The following GPC6 variants were observed in gnomAD, a reference collection of about 807,000 sequenced individuals.
GPC6 encodes glypican 6.
GPC6 carries 14 observed loss-of-function variants against 55.2 expected under a neutral mutation model. The ratio of observed to expected loss-of-function variants is 0.25; its 90% CI spans 0.17 to 0.40. The LOEUF (loss-of-function observed/expected upper bound fraction) is 0.40, where lower values mean the gene tolerates loss of function less well. Ranked by LOEUF, GPC6 falls within the 10% of genes least tolerant of loss-of-function variation. GPC6 has a pLI of 1.00. For synonymous variants in GPC6, 278 were observed against 259.6 expected (o/e 1.07, Z -0.68); for missense variants, 641 against 708.5 (o/e 0.90, Z 1.08).
chr13:94,145,467 G>T (rs61962341), intron 4 of GPC6, among the ~76,000 whole-genome samples: 26,694 of 151,894 alleles, frequency 0.18, 2,739 homozygotes, highest in Non-Finnish European at 0.23. Context: ...TCAATATATT[G>T]ATATTTGTTT....
chr13:94,226,555 TA>T (rs2139007801), intron 4 of GPC6, among the ~76,000 whole-genome samples: 1 of 152,250 alleles, frequency 6.6e-6, no homozygotes, highest in East Asian at 1.9e-4. Flanking sequence ...TACAATTTTT[TA>T]AAAAAGGTAC....
At chr13:93,923,473 A>G (rs1877681249) in intron 3 of GPC6, among the ~76,000 whole-genome samples, 1 of 101,450 alleles carries the variant, frequency 9.9e-6, no homozygotes, top group South Asian at 4.1e-4. Context: ...TCATTCAGTT[A>G]CAGAAAAATA....
intron 3 of GPC6, among the ~76,000 whole-genome samples, chr13:93,942,654 C>A (rs12859208): frequency 0.44 from 67,361 of 151,908 alleles, 15,416 homozygotes; most frequent in Non-Finnish European, 0.48. Flanking sequence ...ATGAAAGTGG[C>A]ATTTCATCAC....
Position 93,563,691 on chromosome 13 carries a change from C to T in GPC6, c.319+18270C>T, listed in dbSNP as rs7338382. Among the ~76,000 whole-genome samples, 181 of 151,688 alleles carry T rather than the reference C, an allele frequency of 1.2e-3. 1 individual carries two copies. The highest frequency in any genetic ancestry group is 4.2e-3 in the African/African-American group (173 of 41,350). On this transcript the variant is annotated intron_variant, in intron 2 of 8. Transcript: ENST00000377047. ...TGAAAGTAGAAATTCTTGAGTCATT[C>T]CTTGGTAATGTCAAGAAAAACGTCT...
At chr13:93,580,946 G>GT (rs1212947171) in intron 2 of GPC6, among the ~76,000 whole-genome samples, 3 of 151,624 alleles carry the variant, frequency 2.0e-5, no homozygotes, top group South Asian at 4.2e-4. Flanking sequence ...ATATAAAAGT[G>GT]TTTTTTTTAA....
At chr13:93,601,777 T>C (rs900493747) in intron 2 of GPC6, among the ~76,000 whole-genome samples, 2 of 152,208 alleles carry the variant, frequency 1.3e-5, no homozygotes, top group African/African-American at 4.8e-5. Context: ...TCTGGCTTCT[T>C]CTCCTTTTGA....
At chr13:94,387,321 A>G (rs1291246724) in intron 7 of GPC6, among the ~76,000 whole-genome samples, 1 of 152,170 alleles carries the variant, frequency 6.6e-6, no homozygotes, top group Non-Finnish European at 1.5e-5. Context: ...TGATGGGAGG[A>G]AATTGCAAGT....
intron 1 of GPC6, among the ~76,000 whole-genome samples, chr13:93,377,905 A>G (rs1170902069): frequency 6.6e-6 from 1 of 152,234 alleles, no homozygotes; most frequent in Admixed American, 6.5e-5. Flanking sequence ...TTGAAAAGTT[A>G]ATCATACAAA....
At chr13:93,612,534 C>CAT (rs1878524328) in intron 2 of GPC6, among the ~76,000 whole-genome samples, 1 of 151,736 alleles carries the variant, frequency 6.6e-6, no homozygotes, top group African/African-American at 2.4e-5. Flanking sequence ...CACACACACA[C>CAT]ACACACACAA....
rs141861638 is a variant in GPC6 at position 94,116,037 on chromosome 13, A to AT, written c.877+88144dup. 2.0e-4 allele frequency among the ~76,000 whole-genome samples: 31 copies of AT among 152,226 alleles called. No homozygotes were observed. In the South Asian group the frequency reaches 3.7e-3, roughly 18 times the overall value. ...AGAAACCCCTAATTTTCTGAGATTG[A>AT]TATGAAAATATAGGATAATTATAAA... is the stretch of plus-strand genomic sequence containing the variant. On this transcript the variant is annotated intron_variant, in intron 4 of 8. Coordinates refer to ENST00000377047, the MANE Select transcript of GPC6 (RefSeq NM_005708.5).
At chr13:93,427,769 C>G (rs985450473) in intron 1 of GPC6, among the ~76,000 whole-genome samples, 1 of 152,106 alleles carries the variant, frequency 6.6e-6, no homozygotes, top group East Asian at 1.9e-4. Flanking sequence ...TAAGCACACA[C>G]AATAGTCCGT....
intron 2 of GPC6, among the ~76,000 whole-genome samples, chr13:93,773,547 A>G (rs2049385254): frequency 6.6e-6 from 1 of 151,978 alleles, no homozygotes; most frequent in Admixed American, 6.6e-5. Context: ...ACTCAGTCTT[A>G]TGGTATGTGA....
At chr13:93,400,888 G>A (rs187085884) in intron 1 of GPC6, among the ~76,000 whole-genome samples, 62 of 152,222 alleles carry the variant, frequency 4.1e-4, no homozygotes, top group African/African-American at 1.3e-3. Context: ...TGAGGAGGGA[G>A]GGATGGGTTA....
intron 4 of GPC6, among the ~76,000 whole-genome samples, chr13:94,197,455 C>T (rs140009793): frequency 1.4e-3 from 214 of 152,320 alleles, no homozygotes; most frequent in Admixed American, 2.7e-3. Context: ...GATCAAGGTT[C>T]TGGCCAATTC....
chr13:93,698,591 T>C (rs1392871981), intron 2 of GPC6, among the ~76,000 whole-genome samples: 1 of 151,278 alleles, frequency 6.6e-6, no homozygotes, highest in African/African-American at 2.4e-5. Flanking sequence ...ACTTGCCCTT[T>C]GTCATTTGCT....
chr13:93,529,230 T>G (rs9301892), intron 1 of GPC6, among the ~76,000 whole-genome samples: 1 of 152,304 alleles, frequency 6.6e-6, no homozygotes, highest in East Asian at 1.9e-4. Flanking sequence ...GTTTGAAAGA[T>G]GGTTGAGCTG....
intron 6 of GPC6, among the ~76,000 whole-genome samples, chr13:94,314,379 T>C (rs1228086998): frequency 6.6e-6 from 1 of 152,210 alleles, no homozygotes; most frequent in East Asian, 1.9e-4. Flanking sequence ...CATTTTCCCT[T>C]CTTAAGCCAG....
intron 2 of GPC6, among the ~76,000 whole-genome samples, chr13:93,587,443 A>C (rs560515143): frequency 6.6e-6 from 1 of 152,336 alleles, no homozygotes; most frequent in East Asian, 1.9e-4. Flanking sequence ...AGGATTAAAA[A>C]GACAAACTCA....
chr13:94,393,641 C>G (rs1193721218), intron 7 of GPC6, among the ~76,000 whole-genome samples: 2 of 152,092 alleles, frequency 1.3e-5, no homozygotes, highest in African/African-American at 4.8e-5. Flanking sequence ...CCCAGACCGG[C>G]ACCCAAGCTC....
Sources: allele counts gnomAD v4.1 joint callset (sites outside exome capture counted in the v4.1 genomes callset), GRCh38; gene constraint gnomAD v4.1.1; transcripts MANE v1.5; gene names NCBI Gene and HGNC (gene_info 2026-07-23, HGNC 2026-07-21).